CIBAR1: variants seen among roughly 807,000 people sequenced by gnomAD.
CIBAR1 encodes CBY1 interacting BAR domain containing 1, also known as CBY1-interacting BAR domain-containing protein 1.
A neutral mutation model predicts 44.0 loss-of-function variants in CIBAR1; 25 were observed. The ratio of observed to expected loss-of-function variants is 0.57; its 90% CI spans 0.41 to 0.79. CIBAR1 has a LOEUF of 0.79. Ranked by LOEUF, CIBAR1 falls within the 30% of genes least tolerant of loss-of-function variation. The probability of loss-of-function intolerance (pLI) is 0.00; values close to 1 mark genes in which losing one functional copy is unlikely to be tolerated. For missense variants in CIBAR1, 278 were observed against 344.8 expected (o/e 0.81, Z 1.53); for synonymous variants, 115 against 119.0 (o/e 0.97, Z 0.22).
Position 93,728,528 on chromosome 8 carries a change from T to G in CIBAR1, c.*231T>G. The G allele has an allele frequency of 2.8e-6, 1 of 354,874 alleles. No homozygotes were observed. The highest frequency in any genetic ancestry group is 5.1e-6 in the Non-Finnish European group (1 of 197,168). The allele number at this position is 354,874 out of a possible 1,614,324, so 22.0% of individuals were successfully genotyped here. ...ATGATTTTTGTGTAAGTGCCTTTTT[T>G]TTTAAAGATGGTGTATTTCAAAGTA... On this transcript the variant is annotated 3_prime_UTR_variant, in exon 9 of 9. Coordinates refer to ENST00000518322, the MANE Select transcript of CIBAR1 (RefSeq NM_145269.5).
chr8:93,715,220 T>C (rs1810995089), intron 6 of CIBAR1, among the ~76,000 whole-genome samples: 1 of 152,186 alleles, frequency 6.6e-6, no homozygotes, highest in African/African-American at 2.4e-5. Flanking sequence ...CAATCCTGTT[T>C]GTTTCCATGT....
intron 6 of CIBAR1, among the ~76,000 whole-genome samples, chr8:93,710,235 G>GCA (rs1213573603): frequency 2.0e-3 from 300 of 151,996 alleles, no homozygotes; most frequent in African/African-American, 7.0e-3. Flanking sequence ...CCATGACCGT[G>GCA]CCACTGCACT....
chr8:93,718,031 C>A (rs1187670297), intron 6 of CIBAR1, among the ~76,000 whole-genome samples: 2 of 152,088 alleles, frequency 1.3e-5, no homozygotes, highest in African/African-American at 4.8e-5. Flanking sequence ...GTTCAGTGGG[C>A]AATAGCAAAA....
At chr8:93,704,296 T>C (rs888844261) in intron 3 of CIBAR1, among the ~76,000 whole-genome samples, 1 of 152,222 alleles carries the variant, frequency 6.6e-6, no homozygotes, top group South Asian at 2.1e-4. Flanking sequence ...TTTAGACTTT[T>C]AAAATGTGTG....
chr8:93,722,683 G>A (rs999476486), intron 7 of CIBAR1, among the ~76,000 whole-genome samples: 1 of 151,994 alleles, frequency 6.6e-6, no homozygotes, highest in Non-Finnish European at 1.5e-5. Flanking sequence ...CTGGGTGACA[G>A]GGTGAGACTC....
At chr8:93,707,631 G>T (rs925307226) in intron 4 of CIBAR1, among the ~76,000 whole-genome samples, 13 of 152,086 alleles carry the variant, frequency 8.5e-5, no homozygotes, top group African/African-American at 2.9e-4. Context: ...AGTCTTCAAA[G>T]GAGCTCTATT....
At chr8:93,701,530 T>C (rs1810356537) in intron 2 of CIBAR1, 72 bp downstream of exon 2, 2 of 1,341,758 alleles carry the variant, frequency 1.5e-6, no homozygotes, top group South Asian at 1.3e-5. Context: ...CCGTGGAAAC[T>C]TTCACTTGTA....
intron 7 of CIBAR1, among the ~76,000 whole-genome samples, chr8:93,719,036 G>A (rs1383481651): frequency 6.6e-6 from 1 of 151,876 alleles, no homozygotes; most frequent in Non-Finnish European, 1.5e-5. Context: ...GCTAATTTTT[G>A]TATTTTTAGT....
At chr8:93,705,130 A>G in intron 4 of CIBAR1, 120 bp downstream of exon 4, 1 of 659,498 alleles carries the variant, frequency 1.5e-6, no homozygotes, top group Non-Finnish European at 2.6e-6. Context: ...ATAAAGATTG[A>G]AAAGAAATGC....
intron 3 of CIBAR1, among the ~76,000 whole-genome samples, chr8:93,704,520 G>A (rs1052352047): frequency 2.0e-5 from 3 of 152,148 alleles, no homozygotes; most frequent in Non-Finnish European, 2.9e-5. Context: ...TGCTGTGCTG[G>A]CCCAGTTCCT....
intron 7 of CIBAR1, 87 bp from the exon 8 acceptor site, chr8:93,726,307 A>C: frequency 7.9e-7 from 1 of 1,267,840 alleles, no homozygotes; most frequent in Non-Finnish European, 1.1e-6. Flanking sequence ...TGTTTTTTTA[A>C]AAAAAAATCT....
At chr8:93,723,029 C>T (rs1193194183) in intron 7 of CIBAR1, among the ~76,000 whole-genome samples, 1 of 152,202 alleles carries the variant, frequency 6.6e-6, no homozygotes, top group Non-Finnish European at 1.5e-5. Flanking sequence ...CGGAGTCTCG[C>T]TCTGTCGCCC....
At chr8:93,728,105 T>C (rs1239804780) in intron 8 of CIBAR1, 100 bp from the exon 9 acceptor site, 1 of 578,596 alleles carries the variant, frequency 1.7e-6, no homozygotes, top group East Asian at 3.5e-5. Context: ...TTTTTTGAAA[T>C]ATTTGTTGTG....
In CIBAR1 at chr8:93,728,201, A is replaced by G; in HGVS notation, c.778-4A>G. 1 of 1,534,086 alleles carries G rather than the reference A, an allele frequency of 6.5e-7. No individual in the cohort carries two copies. Among genetic ancestry groups the G allele is most frequent in the South Asian group, 1.3e-5 (1 of 75,582 alleles). On this transcript the variant is annotated splice_region_variant and splice_polypyrimidine_tract_variant and intron_variant, in intron 8 of 8. Transcript: ENST00000518322. ...ATTTTAAAAAGTGTGTTAACTTTTA[A>G]CAGGTATCCACTTGTCGACTAAGAA...
chr8:93,712,893 C>A (rs973243883), intron 6 of CIBAR1, among the ~76,000 whole-genome samples: 1 of 151,394 alleles, frequency 6.6e-6, no homozygotes, highest in African/African-American at 2.4e-5. Context: ...GGTGATCCTC[C>A]CACTTCAGCC....
Position 93,701,344 on chromosome 8 carries a change from C to A in CIBAR1, c.147C>A (p.Asp49Glu). 6.2e-7 allele frequency: 1 copy of A among 1,613,894 alleles called. No homozygotes were observed. Among genetic ancestry groups the A allele is most frequent in the East Asian group, 2.2e-5 (1 of 44,874 alleles). Residue 49 changes from aspartate to glutamate, a missense_variant, in exon 2 of 9, where the codon GAC becomes GAA. Coordinates refer to ENST00000518322, the MANE Select transcript of CIBAR1 (RefSeq NM_145269.5). The stretch of plus-strand genomic sequence containing the variant: ...CTGCCAGGCTGAGAGACAAAGCAGA[C>A]CTCCTGGTGAATGAAATTAACGCGT... The part of the protein sequence containing the change: ...RKTARLRDKA[D>E]LLVNEINAYA...
At position 93,729,629 on chromosome 8, in the gene CIBAR1, T is replaced by A. The variant is rs1811709609; in HGVS notation, c.*1332T>A. On this transcript the variant is annotated 3_prime_UTR_variant, in exon 9 of 9. Transcript: ENST00000518322. ...AGGAATACTATCCATGAAAATACTT[T>A]CATTAATGTAAAATTTTCATTATTT... 6.6e-6 allele frequency: 1 copy of A among 152,232 alleles called. No individual in the cohort carries two copies. Among genetic ancestry groups the A allele is most frequent in the Non-Finnish European group, 1.5e-5 (1 of 68,008 alleles). The allele number at this position is 152,232 out of a possible 1,614,324, so 9.4% of individuals were successfully genotyped here.
rs200002861 is a variant in CIBAR1 at position 93,726,418 on chromosome 8, C to A, written c.682C>A (p.Pro228Thr). ...LEVFRNSLYA[P>T]DYSSRLDIVR... ...GGTTTTCCGAAATTCTCTGTATGCACCAGATTATTCATCTCGTTTAGATAT... is the reference window on the plus strand; with the variant it reads ...GGTTTTCCGAAATTCTCTGTATGCAACAGATTATTCATCTCGTTTAGATAT... Residue 228 changes from proline to threonine, a missense_variant, in exon 8 of 9, where the codon CCA becomes ACA. Physicochemically the swap from Pro to Thr is conservative, Grantham distance 38. This residue lies in a region of CIBAR1 where 93 missense variants were observed against 108.9 expected (regional missense o/e 0.85). Transcript: ENST00000518322. 2.9e-5 allele frequency: 47 copies of A among 1,613,154 alleles called. No homozygotes were observed. In the African/African-American group the frequency reaches 5.7e-4, roughly 20 times the overall value.
Position 93,709,801 on chromosome 8 carries a change from G to GATGC in CIBAR1, c.470_473dup (p.Ser159CysfsTer2). The stretch of plus-strand genomic sequence containing the variant: ...AACGGAATTACAGAGAGCTGCAATG[G>GATGC]ATGCTAGCCGAACAAGTCGTCATCT... On this transcript the variant is annotated frameshift_variant, in exon 6 of 9. Transcript: ENST00000518322. LOFTEE classifies it high-confidence loss of function. 6.2e-7 allele frequency: 1 copy of GATGC among 1,613,510 alleles called. No homozygotes were observed. The highest frequency in any genetic ancestry group is 8.5e-7 in the Non-Finnish European group (1 of 1,179,760).
Sources: gnomAD v4.1 joint callset for allele counts (sites outside exome capture counted in the v4.1 genomes callset) on GRCh38, gnomAD v4.1.1 for gene constraint, gnomAD v4.1.1 regional missense constraint, MANE v1.5 for transcripts, NCBI Gene and HGNC (gene_info 2026-07-23, HGNC 2026-07-21) for gene names.